KIAA1549: variants seen among roughly 807,000 people sequenced by gnomAD.
KIAA1549 encodes the protein UPF0606 protein KIAA1549.
Under a neutral mutation model 156.4 loss-of-function variants are expected in KIAA1549, and 70 were observed. That is an observed-to-expected ratio of 0.45 (90% CI 0.37 to 0.55). The LOEUF (loss-of-function observed/expected upper bound fraction) is 0.55, where lower values mean the gene tolerates loss of function less well. Among genes scored for constraint, KIAA1549 ranks in the 20% least tolerant of loss-of-function variants. The pLI is 0.00. For synonymous variants in KIAA1549, 1,103 were observed against 1,066.4 expected, an observed-to-expected ratio of 1.03 and a Z score of -0.67; for missense variants, 2,428 against 2,540.9, an observed-to-expected ratio of 0.96 and a Z score of 0.96.
At position 138,831,541 on chromosome 7, in the gene KIAA1549, C is replaced by T. The variant is rs1400870946; in HGVS notation, c.*6365G>A. 4.5e-6 allele frequency: 1 copy of T among 222,764 alleles called. No homozygotes were observed. The highest frequency in any genetic ancestry group is 9.0e-6 in the Non-Finnish European group (1 of 111,588). The allele number at this position is 222,764 out of a possible 1,614,324, so 13.8% of individuals were successfully genotyped here. On this transcript the variant is annotated 3_prime_UTR_variant, in exon 20 of 20. Transcript: ENST00000422774. ...CTATTGAAGGATAGAAACATAAAAC[C>T]GACAAATAGAAGGGAGGGGCCGATT...
At chr7:138,875,013 G>C (rs1018668846) in intron 12 of KIAA1549, among the ~76,000 whole-genome samples, 6 of 151,936 alleles carry the variant, frequency 3.9e-5, no homozygotes, top group Admixed American at 3.3e-4. Context: ...AAAAATAAAA[G>C]TGCACAGCTA....
At chr7:138,892,083 C>A (rs1811563390) in intron 10 of KIAA1549, among the ~76,000 whole-genome samples, 1 of 152,158 alleles carries the variant, frequency 6.6e-6, no homozygotes, top group Non-Finnish European at 1.5e-5. Context: ...CCTGCAGGAC[C>A]TTTTCTGTAA....
intron 1 of KIAA1549, among the ~76,000 whole-genome samples, chr7:138,940,936 C>T (rs974242021): frequency 6.6e-6 from 1 of 152,008 alleles, no homozygotes; most frequent in Non-Finnish European, 1.5e-5. Flanking sequence ...GATGAGTAGA[C>T]TGCAAAAATT....
chr7:138,896,072 GC>G (rs1811676351), intron 9 of KIAA1549, among the ~76,000 whole-genome samples: 1 of 151,208 alleles, frequency 6.6e-6, no homozygotes, highest in Non-Finnish European at 1.5e-5. Flanking sequence ...TGCACATGGT[GC>G]CTTACTGCTC....
rs572212859 is a variant in KIAA1549, at chr7:138,869,577, G to A, written c.4736C>T (p.Thr1579Met). 74 of 1,592,836 alleles carry A rather than the reference G, an allele frequency of 4.6e-5. 1 individual carries two copies. The South Asian group carries it at 6.8e-4, about 15-fold the overall frequency. The change falls in exon 14 of 20, where the codon ACG becomes ATG. Residue 1579 changes from threonine to methionine, a missense_variant. Thr to Met is a moderately conservative substitution (Grantham distance 81). This residue lies in a region of KIAA1549 where 404 missense variants were observed against 417.0 expected (regional missense o/e 0.97). Transcript: ENST00000422774. ...QMQIDKILDP[T>M]ASVPSVFIEP... Reference sequence around the variant, plus strand: ...TATGAACACGGAGGGCACGCTGGCCGTGGGGTCCAGGATCTTGTCGATCTG... The same window carrying A: ...TATGAACACGGAGGGCACGCTGGCCATGGGGTCCAGGATCTTGTCGATCTG...
intron 1 of KIAA1549, among the ~76,000 whole-genome samples, chr7:138,969,092 C>T (rs967664491): frequency 2.0e-5 from 3 of 152,154 alleles, no homozygotes; most frequent in Non-Finnish European, 2.9e-5. Context: ...CACCATCCAA[C>T]TCAAGGAGGC....
At chr7:138,960,105 T>C (rs939813052) in intron 1 of KIAA1549, among the ~76,000 whole-genome samples, 3 of 152,010 alleles carry the variant, frequency 2.0e-5, no homozygotes, top group African/African-American at 7.3e-5. Context: ...GCCCTGGAGC[T>C]CTGTGGCAGA....
chr7:138,967,697 A>G (rs1033170252), intron 1 of KIAA1549, among the ~76,000 whole-genome samples: 30 of 150,978 alleles, frequency 2.0e-4, no homozygotes, highest in Non-Finnish European at 3.7e-4. Context: ...TGTCCAGGAG[A>G]AAAAAAAACA....
At chr7:138,939,329 T>C (rs909871850) in intron 1 of KIAA1549, among the ~76,000 whole-genome samples, 7 of 152,242 alleles carry the variant, frequency 4.6e-5, no homozygotes, top group African/African-American at 1.7e-4. Context: ...CAGTTGCTTT[T>C]TTCACACCAG....
chr7:138,930,566 A>C (rs1033582427), intron 1 of KIAA1549, among the ~76,000 whole-genome samples: 11 of 152,224 alleles, frequency 7.2e-5, no homozygotes, highest in African/African-American at 2.7e-4. Context: ...ATGTACGGAG[A>C]AGCTTCTTTC....
At chr7:138,874,945 T>TGACTGCAC (rs1413803279) in intron 12 of KIAA1549, among the ~76,000 whole-genome samples, 6 of 152,002 alleles carry the variant, frequency 3.9e-5, no homozygotes, top group East Asian at 1.9e-4. Flanking sequence ...CAGTGAGCCA[T>TGACTGCAC]GACTGCACCA....
intron 1 of KIAA1549, among the ~76,000 whole-genome samples, chr7:138,926,479 T>A (rs1275141472): frequency 6.6e-6 from 1 of 151,964 alleles, no homozygotes; most frequent in Non-Finnish European, 1.5e-5. Flanking sequence ...GACATGGGGT[T>A]TCACCATGTT....
chr7:138,869,782 G>C (rs900504940), intron 13 of KIAA1549, 21 bp from the exon 14 acceptor site: 4 of 1,586,102 alleles, frequency 2.5e-6, no homozygotes, highest in Non-Finnish European at 3.4e-6. Context: ...GTGAGGGAGA[G>C]AAAGACAGCC....
At chr7:138,904,871 A>G (rs1811962782) in intron 7 of KIAA1549, 151 bp downstream of exon 7, 2 of 580,562 alleles carry the variant, frequency 3.4e-6, no homozygotes. Context: ...CCACAGCCAA[A>G]TTTGAATCCC....
intron 1 of KIAA1549, among the ~76,000 whole-genome samples, chr7:138,946,862 T>C (rs899917081): frequency 6.6e-6 from 1 of 152,194 alleles, no homozygotes; most frequent in Non-Finnish European, 1.5e-5. Flanking sequence ...CTCGCAGGCA[T>C]TGCCCAGCGC....
intron 16 of KIAA1549, among the ~76,000 whole-genome samples, chr7:138,854,173 G>C (rs1446405177): frequency 6.6e-6 from 1 of 152,206 alleles, no homozygotes; most frequent in Non-Finnish European, 1.5e-5. Context: ...GTTTCAATCA[G>C]CTAGGTATAT....
chr7:138,902,109 C>G (rs1038737392), intron 8 of KIAA1549, among the ~76,000 whole-genome samples: 2 of 152,130 alleles, frequency 1.3e-5, no homozygotes. Flanking sequence ...GATACTTATT[C>G]GTTTAATGAT....
In KIAA1549 at chr7:138,861,131, G is replaced by A. The variant is rs1189380681; in HGVS notation, c.5247+8C>T. On this transcript the variant is annotated splice_region_variant and intron_variant, in intron 16 of 19. Coordinates refer to ENST00000422774, the MANE Select transcript of KIAA1549 (RefSeq NM_001164665.2). ...CCCATCAGAGAATTCTAGAAGGCCA[G>A]TACTTACACTGCAGGGATTGTTGGC... is the stretch of plus-strand genomic sequence containing the variant. 2 of 1,613,462 alleles carry A rather than the reference G, an allele frequency of 1.2e-6. No homozygotes were observed. The highest frequency in any genetic ancestry group is 2.2e-5 in the South Asian group (2 of 91,058).
At position 138,879,601 on chromosome 7, in the gene KIAA1549, C is replaced by T. The variant is rs1299612581; in HGVS notation, c.4282G>A (p.Asp1428Asn). 10 of 1,566,932 alleles carry T rather than the reference C, an allele frequency of 6.4e-6. No homozygotes were observed. Among genetic ancestry groups the T allele is most frequent in the African/African-American group, 1.4e-5 (1 of 73,700 alleles). The change falls in exon 12 of 20, where the codon GAC becomes AAC. Residue 1428 changes from aspartate (D) to asparagine (N), a missense_variant. By Grantham distance (23) the Asp-to-Asn change is conservative (BLOSUM62 1). Coordinates refer to ENST00000422774, the MANE Select transcript of KIAA1549 (RefSeq NM_001164665.2). The part of the protein sequence containing the change: ...STVSEESSER[D>N]AGDKTPGAVN... ...GCTCCCGGCGTCTTATCTCCTGCGT[C>T]CCTCTCGCTGGACTCTTCACTGACC...
Sources: allele counts gnomAD v4.1 joint callset (sites outside exome capture counted in the v4.1 genomes callset), GRCh38; gene constraint gnomAD v4.1.1; regional missense constraint gnomAD v4.1.1; transcripts MANE v1.5; gene names NCBI Gene and HGNC (gene_info 2026-07-23, HGNC 2026-07-21).